SPHKAP: variants seen among roughly 807,000 people sequenced by gnomAD.
SPHKAP encodes A-kinase anchor protein SPHKAP.
A neutral mutation model predicts 137.5 loss-of-function variants in SPHKAP; 67 were observed. The ratio of observed to expected loss-of-function variants is 0.49; its 90% confidence interval spans 0.40 to 0.60. SPHKAP has a LOEUF of 0.60. Ranked by LOEUF, SPHKAP falls within the 20% of genes least tolerant of loss-of-function variation. The pLI is 0.00. For synonymous variants in SPHKAP, 813 were observed against 785.3 expected (o/e 1.04, Z -0.59); for missense variants, 2,097 against 2,069.3 (o/e 1.01, Z -0.26).
chr2:228,054,480 G>T (rs950486955), intron 3 of SPHKAP, among the ~76,000 whole-genome samples: 1 of 152,066 alleles, frequency 6.6e-6, no homozygotes, highest in Non-Finnish European at 1.5e-5. Flanking sequence ...GAGAAGTTTG[G>T]CAATAAATCA....
intron 11 of SPHKAP, among the ~76,000 whole-genome samples, chr2:227,984,430 C>A (rs927588193): frequency 2.0e-5 from 3 of 152,040 alleles, no homozygotes; most frequent in African/African-American, 7.2e-5. Context: ...GACTACAAAC[C>A]CTTTAGGTTA....
chr2:228,108,698 C>T (rs776196779), intron 3 of SPHKAP, 134 bp downstream of exon 3: 51 of 613,342 alleles, frequency 8.3e-5, no homozygotes, highest in Non-Finnish European at 1.3e-4. Context: ...CATATAAACC[C>T]GCTATGTATT....
At chr2:228,036,169 C>T (rs1695584009) in intron 3 of SPHKAP, among the ~76,000 whole-genome samples, 1 of 150,156 alleles carries the variant, frequency 6.7e-6, no homozygotes. Context: ...CTACAATGAA[C>T]TCAAACAAAT....
At chr2:228,046,222 C>G (rs1340652648) in intron 3 of SPHKAP, among the ~76,000 whole-genome samples, 1 of 147,122 alleles carries the variant, frequency 6.8e-6, no homozygotes. Flanking sequence ...TTAAATATTT[C>G]AAAGTAAACT....
Position 228,021,892 on chromosome 2 carries a change from G to T in SPHKAP, c.516C>A (p.Ile172=). ...GNRPNSTNCI[I]FEINKFLIGL... is the part of the protein sequence containing the mutation. ...CAATCAGAAATTTGTTGATTTCAAA[G>T]ATGATGCAGTTGGTACTGTTTGGTC... The change falls in exon 6 of 12, where the codon ATC becomes ATA. Residue 172 remains isoleucine (I), a synonymous_variant. Transcript: ENST00000392056. 3 of 1,614,142 alleles carry T rather than the reference G, an allele frequency of 1.9e-6. No homozygotes were observed. The highest frequency in any genetic ancestry group is 2.5e-6 in the Non-Finnish European group (3 of 1,179,996).
chr2:228,074,313 C>T (rs140656239), intron 3 of SPHKAP, among the ~76,000 whole-genome samples: 5 of 152,288 alleles, frequency 3.3e-5, no homozygotes, highest in African/African-American at 9.6e-5. Flanking sequence ...AGTCTGTTTT[C>T]ACACTGCTAA....
chr2:228,041,573 G>A (rs1424620193), intron 3 of SPHKAP, among the ~76,000 whole-genome samples: 12 of 150,902 alleles, frequency 8.0e-5, no homozygotes, highest in African/African-American at 2.4e-4. Context: ...GAACCCAGGA[G>A]GCGGAGGAGG....
chr2:227,989,014 G>A (rs1693314565), intron 11 of SPHKAP, among the ~76,000 whole-genome samples: 1 of 152,302 alleles, frequency 6.6e-6, no homozygotes, highest in South Asian at 2.1e-4. Flanking sequence ...TATGAAAAAT[G>A]AATTAGGTCT....
chr2:228,170,954 C>T (rs1477192473), intron 1 of SPHKAP, among the ~76,000 whole-genome samples: 1 of 152,074 alleles, frequency 6.6e-6, no homozygotes, highest in African/African-American at 2.4e-5. Flanking sequence ...AGGTCAATAT[C>T]ATGGTTAACA....
intron 3 of SPHKAP, among the ~76,000 whole-genome samples, chr2:228,051,814 C>T (rs185267742): frequency 1.3e-4 from 20 of 152,280 alleles, no homozygotes; most frequent in Admixed American, 1.1e-3. Context: ...CTGGCGAGGG[C>T]CTGGTCCTCA....
At chr2:228,008,196 C>G (rs1050455432) in intron 7 of SPHKAP, among the ~76,000 whole-genome samples, 1 of 151,782 alleles carries the variant, frequency 6.6e-6, no homozygotes, top group Non-Finnish European at 1.5e-5. Context: ...TCTATTTTAT[C>G]AAGCCTTTCT....
At chr2:227,997,863 A>C (rs1410663326) in intron 7 of SPHKAP, among the ~76,000 whole-genome samples, 3 of 152,222 alleles carry the variant, frequency 2.0e-5, no homozygotes, top group Non-Finnish European at 1.5e-5. Context: ...CACATAAACT[A>C]TTCTTCAGAT....
intron 7 of SPHKAP, chr2:227,996,211 T>G (rs899909833): frequency 1.3e-6 from 1 of 747,502 alleles, no homozygotes; most frequent in East Asian, 1.3e-4. Context: ...TATTTTGATA[T>G]GCATGCCTCT....
intron 2 of SPHKAP, among the ~76,000 whole-genome samples, chr2:228,118,316 T>C (rs1052726085): frequency 1.3e-5 from 2 of 149,880 alleles, no homozygotes; most frequent in Non-Finnish European, 3.0e-5. Flanking sequence ...GGGGCAAATA[T>C]AAATAAAGCT....
intron 3 of SPHKAP, among the ~76,000 whole-genome samples, chr2:228,035,967 C>T (rs1695573693): frequency 6.7e-6 from 1 of 150,278 alleles, no homozygotes; most frequent in South Asian, 2.1e-4. Flanking sequence ...AGGACATAGG[C>T]ATGGGCAAGG....
intron 3 of SPHKAP, among the ~76,000 whole-genome samples, chr2:228,056,809 C>CT (rs953762635): frequency 1.4e-4 from 21 of 152,030 alleles, no homozygotes; most frequent in African/African-American, 5.1e-4. Context: ...GGCCTCTTTT[C>CT]TTTTTTGGAT....
Position 228,019,657 on chromosome 2 carries a change from C to G in SPHKAP, c.1197G>C (p.Val399=). Residue 399 remains valine (V), a synonymous_variant, in exon 7 of 12, where the codon GTG becomes GTC. Transcript: ENST00000392056. ...ATAATCTAATAAATGCATCCTGCAG[C>G]ACGGATTCTGCTAAATTTGTAGCAT... ...GKYATNLAES[V]LQDAFIRLSQ... The G allele has an allele frequency of 1.2e-6, 2 of 1,614,116 alleles. No homozygotes were observed. The highest frequency in any genetic ancestry group is 1.1e-5 in the South Asian group (1 of 91,076).
At chr2:228,103,370 G>T (rs1698234886) in intron 3 of SPHKAP, among the ~76,000 whole-genome samples, 2 of 152,178 alleles carry the variant, frequency 1.3e-5, no homozygotes, top group Admixed American at 1.3e-4. Flanking sequence ...CAACTGCCTT[G>T]CTTTATTTGT....
At chr2:228,153,767 T>A (rs952889463) in intron 1 of SPHKAP, among the ~76,000 whole-genome samples, 2 of 152,224 alleles carry the variant, frequency 1.3e-5, no homozygotes, top group Non-Finnish European at 2.9e-5. Flanking sequence ...AGAGGACTGA[T>A]GAATAATTTT....
Sources: gnomAD v4.1 joint callset for allele counts (sites outside exome capture counted in the v4.1 genomes callset) on GRCh38, gnomAD v4.1.1 for gene constraint, MANE v1.5 for transcripts, NCBI Gene and HGNC (gene_info 2026-07-23, HGNC 2026-07-21) for gene names.